Variants in CPA6 observed in about 807,000 individuals in gnomAD.
CPA6 encodes carboxypeptidase A6, also known as carboxypeptidase B.
CPA6 carries 58 observed loss-of-function variants against 63.3 expected under a neutral mutation model. The ratio of observed to expected loss-of-function variants is 0.92; its 90% CI spans 0.74 to 1.14. The LOEUF (loss-of-function observed/expected upper bound fraction) is 1.14. Ranked by LOEUF, CPA6 falls within the 50% of genes most tolerant of loss-of-function variation. The pLI is 0.00. For missense variants in CPA6, 565 were observed against 526.6 expected (o/e 1.07, Z -0.71); for synonymous variants, 185 against 179.0 (o/e 1.03, Z -0.27).
chr8:67,500,666 G>GT, intron 6 of CPA6, among the ~76,000 whole-genome samples: 1 of 150,130 alleles, frequency 6.7e-6, no homozygotes, highest in Middle Eastern at 3.4e-3. Flanking sequence ...AAGTTTTATC[G>GT]TTTTACATTT....
intron 2 of CPA6, among the ~76,000 whole-genome samples, chr8:67,593,201 G>A (rs1385271147): frequency 6.6e-6 from 1 of 150,738 alleles, no homozygotes; most frequent in African/African-American, 2.5e-5. Flanking sequence ...GGTTTTGAGT[G>A]AGTTTCTTAA....
At chr8:67,561,390 T>C (rs1015610591) in intron 2 of CPA6, among the ~76,000 whole-genome samples, 2 of 152,196 alleles carry the variant, frequency 1.3e-5, no homozygotes, top group Admixed American at 6.5e-5. Flanking sequence ...GTGGCACACA[T>C]AGAAACTCAT....
chr8:67,726,421 C>T (rs1419769871), intron 1 of CPA6, among the ~76,000 whole-genome samples: 5 of 152,066 alleles, frequency 3.3e-5, no homozygotes, highest in South Asian at 2.1e-4. Flanking sequence ...TTAACCTGGA[C>T]GAGGTTCTAA....
At chr8:67,706,948 C>A (rs1312053639) in intron 1 of CPA6, among the ~76,000 whole-genome samples, 2 of 152,014 alleles carry the variant, frequency 1.3e-5, no homozygotes. Flanking sequence ...ATGCAAAATT[C>A]TTATAATTCT....
At chr8:67,573,891 CAAAAAAAAAAAAA>C (rs34145304) in intron 2 of CPA6, among the ~76,000 whole-genome samples, 1 of 33,486 alleles carries the variant, frequency 3.0e-5, no homozygotes, top group Non-Finnish European at 5.9e-5. Context: ...GACTCCGTCT[CAAAAAAAAAAAAA>C]AAAAAAAAAA....
chr8:67,655,442 T>C (rs1351026868), intron 1 of CPA6, among the ~76,000 whole-genome samples: 1 of 152,154 alleles, frequency 6.6e-6, no homozygotes, highest in Non-Finnish European at 1.5e-5. Flanking sequence ...AAAAGGATTT[T>C]GATGGAAAGG....
intron 2 of CPA6, among the ~76,000 whole-genome samples, chr8:67,549,438 A>T (rs1012917206): frequency 6.6e-6 from 1 of 152,242 alleles, no homozygotes. Context: ...CCATAAACAT[A>T]TTCATAACCT....
At chr8:67,438,412 G>T (rs1323011540) in intron 8 of CPA6, among the ~76,000 whole-genome samples, 1 of 152,142 alleles carries the variant, frequency 6.6e-6, no homozygotes, top group African/African-American at 2.4e-5. Context: ...ACAGCAACAT[G>T]AGTACTATAT....
intron 2 of CPA6, among the ~76,000 whole-genome samples, chr8:67,616,501 A>T: frequency 7.9e-6 from 1 of 127,040 alleles, no homozygotes. Context: ...GGCAAATTGA[A>T]TGTGTGTGTG....
At chr8:67,558,190 T>G (rs896641170) in intron 2 of CPA6, among the ~76,000 whole-genome samples, 2 of 152,228 alleles carry the variant, frequency 1.3e-5, no homozygotes, top group Non-Finnish European at 2.9e-5. Flanking sequence ...ATGTTCTCTC[T>G]TGAGACCTTT....
chr8:67,645,963 C>G (rs901577658), intron 1 of CPA6, among the ~76,000 whole-genome samples: 1 of 152,154 alleles, frequency 6.6e-6, no homozygotes, highest in African/African-American at 2.4e-5. Flanking sequence ...TTCTACCCTG[C>G]CTTAACTCTG....
intron 1 of CPA6, among the ~76,000 whole-genome samples, chr8:67,630,000 G>C (rs1315273243): frequency 6.6e-6 from 1 of 151,900 alleles, no homozygotes; most frequent in African/African-American, 2.4e-5. Flanking sequence ...AGCTACTCGG[G>C]AGGCTGAGGC....
intron 2 of CPA6, among the ~76,000 whole-genome samples, chr8:67,535,341 C>A (rs904482234): frequency 2.1e-4 from 32 of 152,100 alleles, no homozygotes; most frequent in Admixed American, 3.3e-4. Context: ...AAAGCGTTCC[C>A]ATTTCTCCAC....
chr8:67,484,970 C>G (rs1811446520), intron 6 of CPA6, among the ~76,000 whole-genome samples, 181 bp from the exon 7 acceptor site: 1 of 152,196 alleles, frequency 6.6e-6, no homozygotes, highest in Non-Finnish European at 1.5e-5. Flanking sequence ...GAATTAAACT[C>G]TTTATTATCA....
At chr8:67,633,614 G>C (rs985394011) in intron 1 of CPA6, among the ~76,000 whole-genome samples, 1 of 150,404 alleles carries the variant, frequency 6.6e-6, no homozygotes, top group Non-Finnish European at 1.5e-5. Flanking sequence ...CAGGGAGGCG[G>C]AGCTTGCAGT....
intron 1 of CPA6, among the ~76,000 whole-genome samples, chr8:67,708,577 A>G (rs960614624): frequency 2.6e-5 from 4 of 152,094 alleles, no homozygotes; most frequent in Admixed American, 2.0e-4. Flanking sequence ...TCACCTTTCT[A>G]CAGAAGACCC....
At chr8:67,452,306 G>C (rs1409848441) in intron 8 of CPA6, 1 of 152,216 alleles carries the variant, frequency 6.6e-6, no homozygotes, top group Non-Finnish European at 1.5e-5. Flanking sequence ...GCTTTTCATA[G>C]GACTTGACCT....
chr8:67,505,481 C>A (rs1811908522), intron 6 of CPA6, among the ~76,000 whole-genome samples: 1 of 152,144 alleles, frequency 6.6e-6, no homozygotes, highest in African/African-American at 2.4e-5. Flanking sequence ...TGACTATATC[C>A]TATCAACAAC....
intron 8 of CPA6, among the ~76,000 whole-genome samples, chr8:67,466,084 G>GTTT (rs561313512): frequency 5.2e-5 from 5 of 96,076 alleles, no homozygotes; most frequent in African/African-American, 7.4e-5. Flanking sequence ...TCTGAGGCTT[G>GTTT]TTTTTTTTTT....
Sources: gnomAD v4.1 joint callset for allele counts (sites outside exome capture counted in the v4.1 genomes callset) on GRCh38, gnomAD v4.1.1 for gene constraint, MANE v1.5 for transcripts, NCBI Gene and HGNC (gene_info 2026-07-23, HGNC 2026-07-21) for gene names.